The following KAZN variants were observed in gnomAD, a reference collection of about 807,000 sequenced individuals.
KAZN encodes kazrin.
Under a neutral mutation model 87.4 loss-of-function variants are expected in KAZN, and 40 were observed. That is an observed-to-expected ratio of 0.46 (90% CI 0.36 to 0.60). The LOEUF (loss-of-function observed/expected upper bound fraction) is 0.60. KAZN is among the 20% of genes least tolerant of loss of function. The probability of loss-of-function intolerance (pLI) is 0.00; values close to 1 mark genes in which losing one functional copy is unlikely to be tolerated. For missense variants in KAZN, 898 were observed against 1,073.9 expected (o/e 0.84, Z 2.29); for synonymous variants, 466 against 458.3 (o/e 1.02, Z -0.22).
intron 1 of KAZN, among the ~76,000 whole-genome samples, chr1:13,991,450 G>A (rs559595012): frequency 2.8e-5 from 3 of 107,782 alleles, no homozygotes; most frequent in African/African-American, 1.1e-4. Context: ...AATAAAAAAA[G>A]GGGAAAAAAA....
intron 1 of KAZN, among the ~76,000 whole-genome samples, chr1:13,984,952 A>C (rs1638939315): frequency 6.6e-6 from 1 of 152,312 alleles, no homozygotes; most frequent in African/African-American, 2.4e-5. Context: ...AATAAATATA[A>C]TTTCTCTCAT....
chr1:14,018,796 T>C (rs375611713), intron 1 of KAZN, among the ~76,000 whole-genome samples: 9 of 152,322 alleles, frequency 5.9e-5, no homozygotes, highest in East Asian at 1.9e-4. Flanking sequence ...ACTTACACCA[T>C]GGTCCCCCTG....
chr1:14,205,884 C>CATAAAAAAAAAAA (rs1646729896), intron 2 of KAZN, among the ~76,000 whole-genome samples: 1 of 35,220 alleles, frequency 2.8e-5, no homozygotes, highest in Non-Finnish European at 4.4e-5. Flanking sequence ...GACACTGTCT[C>CATAAAAAAAAAAA]AAAAAAAAAA....
Position 14,599,071 on chromosome 1 carries a change from A to G in KAZN, c.74A>G (p.Asn25Ser). Reference protein sequence around the residue: ...AVQSASQEVTNLRAELTATNR... With the variant: ...AVQSASQEVTSLRAELTATNR... ...CAGTCGGCCAGCCAGGAGGTGACCA[A>G]CCTGCGAGCCGAACTCACGGCCACC... Residue 25 changes from asparagine (N) to serine (S), a missense_variant, in exon 1 of 15, where the codon AAC becomes AGC. Coordinates refer to ENST00000376030, the MANE Select transcript of KAZN (RefSeq NM_201628.3). This position sits in a 1 kb window ranked among gnomAD's most constrained non-coding sequence, Gnocchi z 4.4. The G allele has an allele frequency of 6.4e-7, 1 of 1,561,318 alleles. No individual in the cohort carries two copies. Among genetic ancestry groups the G allele is most frequent in the East Asian group, 2.6e-5 (1 of 37,778 alleles).
chr1:14,148,130 T>C (rs940036434), intron 1 of KAZN, among the ~76,000 whole-genome samples: 1 of 150,644 alleles, frequency 6.6e-6, no homozygotes, highest in Non-Finnish European at 1.5e-5. Flanking sequence ...GCCCAGGAGG[T>C]TGAGGCTGCA....
chr1:14,927,919 C>T (rs1053017521), intron 1 of KAZN, among the ~76,000 whole-genome samples: 1 of 151,992 alleles, frequency 6.6e-6, no homozygotes, highest in Admixed American at 6.5e-5. Context: ...AGCACTGTAC[C>T]CTTCTGGGGA....
intron 2 of KAZN, among the ~76,000 whole-genome samples, chr1:14,196,161 G>A (rs1646522356): frequency 6.6e-6 from 1 of 152,168 alleles, no homozygotes; most frequent in Non-Finnish European, 1.5e-5. Context: ...TTGGAGGAGG[G>A]TGAGCAAGGG....
At chr1:14,826,185 G>C (rs764443736) in intron 1 of KAZN, among the ~76,000 whole-genome samples, 9 of 152,216 alleles carry the variant, frequency 5.9e-5, no homozygotes, top group Non-Finnish European at 1.0e-4. Context: ...CAGAGGCACA[G>C]AGAGACTCCT....
At chr1:14,506,374 G>A (rs1670584332) in intron 2 of KAZN, among the ~76,000 whole-genome samples, 1 of 152,096 alleles carries the variant, frequency 6.6e-6, no homozygotes, top group Non-Finnish European at 1.5e-5. Context: ...TATGTCATAC[G>A]ATGCTATTAC....
intron 2 of KAZN, among the ~76,000 whole-genome samples, chr1:14,329,935 TA>T (rs563443082): frequency 1.6e-3 from 246 of 152,312 alleles, no homozygotes; most frequent in African/African-American, 5.7e-3. Context: ...TCTAATTTCA[TA>T]AAACATGCAA....
intron 2 of KAZN, among the ~76,000 whole-genome samples, chr1:14,476,862 C>A (rs917486612): frequency 6.6e-6 from 1 of 152,166 alleles, no homozygotes; most frequent in Non-Finnish European, 1.5e-5. Flanking sequence ...CTAGCCGTGG[C>A]GATACCTTTT....
At chr1:14,881,221 C>T (rs1160663762) in intron 1 of KAZN, among the ~76,000 whole-genome samples, 2 of 152,200 alleles carry the variant, frequency 1.3e-5, no homozygotes, top group African/African-American at 2.4e-5. Flanking sequence ...TAAATTCTCG[C>T]ATGATAAGCA....
chr1:14,215,771 G>T (rs1376149778), intron 2 of KAZN, among the ~76,000 whole-genome samples: 1 of 152,076 alleles, frequency 6.6e-6, no homozygotes, highest in Admixed American at 6.6e-5. Context: ...GGTCTGATAG[G>T]CTCTAATCTA....
chr1:14,371,112 C>T (rs1048450874), intron 2 of KAZN, among the ~76,000 whole-genome samples: 1 of 152,160 alleles, frequency 6.6e-6, no homozygotes, highest in Non-Finnish European at 1.5e-5. Context: ...GCATCAGAAA[C>T]ACCTGGAGGG....
chr1:14,131,949 A>G (rs1177059397), intron 1 of KAZN, among the ~76,000 whole-genome samples: 1 of 152,138 alleles, frequency 6.6e-6, no homozygotes, highest in Admixed American at 6.6e-5. Flanking sequence ...ACTGGATAAC[A>G]TATCAATTCC....
chr1:15,099,717 G>C lies in KAZN; in HGVS notation c.1548-1826G>C, dbSNP rs75331228. 2.2e-3 allele frequency among the ~76,000 whole-genome samples: 334 copies of C among 152,308 alleles called. No individual in the cohort carries two copies. Among genetic ancestry groups the C allele is most frequent in the African/African-American group, 7.8e-3 (323 of 41,564 alleles). On this transcript the variant is annotated intron_variant, in intron 10 of 14. Coordinates refer to ENST00000376030, the MANE Select transcript of KAZN (RefSeq NM_201628.3). The surrounding 1 kb of genome is among the most constrained non-coding windows in gnomAD (Gnocchi z 5.4). ...AGAAGCCACAGAGTGTTGAGCAGGG[G>C]AGTGCACGGTCACACTGACATTTTA...
chr1:14,251,643 CTTTTTTTT>C (rs549092023), intron 2 of KAZN, among the ~76,000 whole-genome samples: 27 of 90,332 alleles, frequency 3.0e-4, no homozygotes, highest in African/African-American at 5.3e-4. Flanking sequence ...TTCTCCCGGA[CTTTTTTTT>C]TTTTTTTTTT....
intron 1 of KAZN, among the ~76,000 whole-genome samples, chr1:14,751,202 C>T (rs2100491600): frequency 1.3e-5 from 2 of 152,300 alleles, no homozygotes; most frequent in Middle Eastern, 6.8e-3. Flanking sequence ...TCGCCATTAA[C>T]ACTTTGGTGA....
intron 2 of KAZN, among the ~76,000 whole-genome samples, chr1:14,449,612 C>T (rs1233831994): frequency 1.3e-5 from 2 of 152,156 alleles, no homozygotes; most frequent in Non-Finnish European, 2.9e-5. Flanking sequence ...CTTTTCACAC[C>T]TTGGAACACA....
Sources: allele counts gnomAD v4.1 joint callset (sites outside exome capture counted in the v4.1 genomes callset), GRCh38; gene constraint gnomAD v4.1.1; non-coding constraint Gnocchi (gnomAD v3.1); transcripts MANE v1.5; gene names NCBI Gene and HGNC (gene_info 2026-07-23, HGNC 2026-07-21).